C8orf76: variants seen among roughly 807,000 people sequenced by gnomAD.
C8orf76 encodes chromosome 8 open reading frame 76, also known as uncharacterized protein C8orf76.
In C8orf76, 46 loss-of-function variants were observed where a neutral mutation model predicts 38.1. That is an observed-to-expected ratio of 1.21 (90% CI 0.95 to 1.54). The LOEUF (loss-of-function observed/expected upper bound fraction) is 1.54. Ranked by LOEUF, C8orf76 falls within the 40% of genes most tolerant of loss-of-function variation. C8orf76 has a pLI of 0.00. For synonymous variants in C8orf76, 166 were observed against 167.5 expected, an observed-to-expected ratio of 0.99 and a Z score of 0.07; for missense variants, 461 against 441.6, an observed-to-expected ratio of 1.04 and a Z score of -0.39.
rs143768342 is a variant in C8orf76 at position 123,235,620 on chromosome 8, C to T, written c.357+2178G>A. On this transcript the variant is annotated intron_variant, in intron 3 of 5. Coordinates refer to ENST00000276704, the MANE Select transcript of C8orf76 (RefSeq NM_032847.3). ...AGTCCTGCCCAACAGGTTGCCAGGA[C>T]GCCTGATGCACAGTTCTGAAAGTCC... Among the ~76,000 whole-genome samples, 148 of 152,326 alleles carry T rather than the reference C, an allele frequency of 9.7e-4. 1 individual carries two copies. In the East Asian group the frequency reaches 0.025, roughly 26 times the overall value.
At chr8:123,232,284 T>C (rs190002022) in intron 3 of C8orf76, among the ~76,000 whole-genome samples, 1 of 152,382 alleles carries the variant, frequency 6.6e-6, no homozygotes, top group Admixed American at 6.5e-5. Flanking sequence ...CATGACGCAT[T>C]CTAATTGAAT....
At chr8:123,234,916 C>T (rs1348126801) in intron 3 of C8orf76, among the ~76,000 whole-genome samples, 1 of 152,092 alleles carries the variant, frequency 6.6e-6, no homozygotes, top group Admixed American at 6.5e-5. Context: ...GAGCCAAGAT[C>T]GCACCACTGC....
At chr8:123,235,085 T>G (rs1277529157) in intron 3 of C8orf76, among the ~76,000 whole-genome samples, 1 of 152,168 alleles carries the variant, frequency 6.6e-6, no homozygotes, top group East Asian at 1.9e-4. Flanking sequence ...AGGAAAATAG[T>G]AGGACTGAAA....
At chr8:123,237,644 C>G (rs1825546785) in intron 3 of C8orf76, among the ~76,000 whole-genome samples, 154 bp downstream of exon 3, 1 of 152,178 alleles carries the variant, frequency 6.6e-6, no homozygotes, top group African/African-American at 2.4e-5. Context: ...AGTTGTTCAT[C>G]ATAATAAAAC....
intron 5 of C8orf76, 123 bp from the exon 6 acceptor site, chr8:123,220,420 C>T (rs73703779): frequency 0.014 from 9,103 of 672,238 alleles, 197 homozygotes; most frequent in African/African-American, 0.078. Flanking sequence ...GGGGACATTC[C>T]CAACACATTG....
In C8orf76 at chr8:123,231,414, T is replaced by C. The variant is rs1825266273; in HGVS notation, c.701A>G (p.Asn234Ser). The change falls in exon 4 of 6, where the codon AAT becomes AGT. Residue 234 changes from asparagine to serine, a missense_variant. Asn to Ser is a conservative substitution (Grantham distance 46). Coordinates refer to ENST00000276704, the MANE Select transcript of C8orf76 (RefSeq NM_032847.3). ...SLFSVEANSS[N>S]SQKNEKALTN... ...CAGAGCTTTCTCATTTTTCTGGCTA[T>C]TACTGCTATTCGCTTCCACAGAAAA... 6.2e-7 allele frequency: 1 copy of C among 1,614,256 alleles called. No individual in the cohort carries two copies. The highest frequency in any genetic ancestry group is 8.5e-7 in the Non-Finnish European group (1 of 1,180,048).
intron 3 of C8orf76, among the ~76,000 whole-genome samples, chr8:123,232,974 T>C (rs921981364): frequency 2.0e-5 from 3 of 152,172 alleles, no homozygotes; most frequent in Non-Finnish European, 4.4e-5. Flanking sequence ...CTGTAACAAA[T>C]GCTACCCTTC....
intron 4 of C8orf76, among the ~76,000 whole-genome samples, chr8:123,227,254 TCC>T (rs1825080115): frequency 1.4e-5 from 2 of 146,738 alleles, no homozygotes; most frequent in Admixed American, 6.7e-5. Context: ...CTCATTTGGC[TCC>T]TTTTTTTTTT....
chr8:123,236,921 A>G (rs1442901757), intron 3 of C8orf76: 8 of 1,377,610 alleles, frequency 5.8e-6, no homozygotes, highest in South Asian at 1.2e-5. Flanking sequence ...CAACGCCAAA[A>G]TTCAGGACAA....
chr8:123,236,691 G>A (rs1483252726), intron 3 of C8orf76, among the ~76,000 whole-genome samples: 1 of 151,960 alleles, frequency 6.6e-6, no homozygotes, highest in African/African-American at 2.4e-5. Context: ...GGCTGAGGCA[G>A]GAGAATCGTT....
intron 1 of C8orf76, 50 bp from the exon 2 acceptor site, chr8:123,239,194 C>T (rs1264814418): frequency 6.4e-6 from 10 of 1,573,230 alleles, no homozygotes; most frequent in Non-Finnish European, 8.7e-6. Flanking sequence ...GCTTTTCCAC[C>T]TCATATTCAG....
At chr8:123,237,014 A>C in intron 3 of C8orf76, 2 of 1,504,676 alleles carry the variant, frequency 1.3e-6, no homozygotes, top group Non-Finnish European at 1.8e-6. Context: ...AGACTACAAC[A>C]TCCAGAAGGA....
chr8:123,234,727 C>G (rs1015828522), intron 3 of C8orf76, among the ~76,000 whole-genome samples: 2 of 151,958 alleles, frequency 1.3e-5, no homozygotes, highest in African/African-American at 4.8e-5. Flanking sequence ...CAAGATCGCG[C>G]CACTGCACTC....
At chr8:123,223,054 A>T (rs1474781017) in intron 5 of C8orf76, among the ~76,000 whole-genome samples, 1 of 152,246 alleles carries the variant, frequency 6.6e-6, no homozygotes, top group African/African-American at 2.4e-5. Context: ...GATTTATTAA[A>T]ATAGGTACTG....
At chr8:123,225,117 C>G (rs1586800045) in intron 5 of C8orf76, among the ~76,000 whole-genome samples, 1 of 152,092 alleles carries the variant, frequency 6.6e-6, no homozygotes, top group East Asian at 1.9e-4. Context: ...GCAATTCTCC[C>G]GCCTTAGCCT....
intron 5 of C8orf76, among the ~76,000 whole-genome samples, chr8:123,226,020 C>G (rs1301094707): frequency 6.6e-6 from 1 of 152,060 alleles, no homozygotes; most frequent in Non-Finnish European, 1.5e-5. Context: ...CAGGGTAGAG[C>G]AGGAATAAAA....
intron 4 of C8orf76, among the ~76,000 whole-genome samples, chr8:123,229,209 C>T (rs1299143307): frequency 1.3e-5 from 2 of 152,190 alleles, no homozygotes; most frequent in African/African-American, 2.4e-5. Flanking sequence ...GGAATATTAA[C>T]GTGGAGTGAG....
chr8:123,229,589 C>A (rs536991538), intron 4 of C8orf76, among the ~76,000 whole-genome samples: 23 of 152,322 alleles, frequency 1.5e-4, no homozygotes, highest in Admixed American at 1.4e-3. Flanking sequence ...GAGTGAGGGG[C>A]ATAAGGGACT....
chr8:123,237,535 CAA>C (rs1329011372), intron 3 of C8orf76, among the ~76,000 whole-genome samples: 4 of 152,194 alleles, frequency 2.6e-5, no homozygotes, highest in Admixed American at 6.5e-5. Context: ...TTACTCCTAA[CAA>C]GAGAAAAACC....
Sources: gnomAD v4.1 joint callset for allele counts (sites outside exome capture counted in the v4.1 genomes callset) on GRCh38, gnomAD v4.1.1 for gene constraint, MANE v1.5 for transcripts, NCBI Gene and HGNC (gene_info 2026-07-23, HGNC 2026-07-21) for gene names.